NRG1: variants seen among roughly 807,000 people sequenced by gnomAD.
NRG1 encodes the protein pro-neuregulin-1, membrane-bound isoform.
NRG1 carries 18 observed loss-of-function variants against 63.8 expected under a neutral mutation model. That is an observed-to-expected ratio of 0.28 (90% CI 0.19 to 0.42). The LOEUF (loss-of-function observed/expected upper bound fraction) is 0.42. NRG1 is among the 10% of genes least tolerant of loss of function. The pLI is 1.00. For missense variants in NRG1, 762 were observed against 814.7 expected (o/e 0.94, Z 0.79); for synonymous variants, 302 against 301.3 (o/e 1.00, Z -0.02).
At chr8:31,966,079 CA>C (rs1442236127) in intron 1 of NRG1, among the ~76,000 whole-genome samples, 2 of 151,810 alleles carry the variant, frequency 1.3e-5, no homozygotes, top group African/African-American at 4.8e-5. Flanking sequence ...ACCCATGTAA[CA>C]AACATGCACA....
At chr8:32,387,412 A>C (rs1563394141) in intron 1 of NRG1, among the ~76,000 whole-genome samples, 1 of 152,180 alleles carries the variant, frequency 6.6e-6, no homozygotes, top group Non-Finnish European at 1.5e-5. Context: ...GCCCACAAAA[A>C]AGATGAAGTC....
chr8:31,911,108 C>T (rs899967735), intron 1 of NRG1, among the ~76,000 whole-genome samples: 2 of 152,150 alleles, frequency 1.3e-5, no homozygotes, highest in Non-Finnish European at 1.5e-5. Flanking sequence ...TGTGCTCCTA[C>T]CTCCTTGGTT....
intron 1 of NRG1, among the ~76,000 whole-genome samples, chr8:32,014,343 G>T (rs1335097857): frequency 6.6e-6 from 1 of 151,990 alleles, no homozygotes; most frequent in East Asian, 1.9e-4. Context: ...CTCATGATTT[G>T]GCTCTGTTTG....
chr8:31,945,564 G>T (rs1802415609), intron 1 of NRG1, among the ~76,000 whole-genome samples: 1 of 152,178 alleles, frequency 6.6e-6, no homozygotes, highest in Admixed American at 6.5e-5. Context: ...GCCATCTGCA[G>T]TTCGGAGCCT....
chr8:32,104,711 C>T (rs1321913643), intron 1 of NRG1, among the ~76,000 whole-genome samples: 3 of 151,870 alleles, frequency 2.0e-5, no homozygotes, highest in African/African-American at 7.3e-5. Flanking sequence ...TTGTTAAAAA[C>T]AAAGACACAA....
At chr8:31,842,290 T>C (rs1355226230) in intron 1 of NRG1, among the ~76,000 whole-genome samples, 1 of 152,256 alleles carries the variant, frequency 6.6e-6, no homozygotes, top group East Asian at 1.9e-4. Context: ...TATTTGCTTA[T>C]ATGTGTCATA....
chr8:32,150,568 C>T (rs1585667809), intron 1 of NRG1, among the ~76,000 whole-genome samples: 1 of 152,152 alleles, frequency 6.6e-6, no homozygotes, highest in African/African-American at 2.4e-5. Context: ...TGAGCCCTTG[C>T]CAGACACTGA....
intron 1 of NRG1, among the ~76,000 whole-genome samples, chr8:31,754,572 G>C (rs141580476): frequency 6.6e-6 from 1 of 151,938 alleles, no homozygotes; most frequent in Non-Finnish European, 1.5e-5. Flanking sequence ...AACCATTCTC[G>C]GGTATTTCTT....
At position 32,647,486 on chromosome 8, in the gene NRG1, G is replaced by T. The variant is rs1305948820; in HGVS notation, c.502+30601G>T. ...TAGCATTTAAAAGAACTAGAAAAGT[G>T]GCCCAGAAACAGCAGCTTAAAGAAT... On this transcript the variant is annotated intron_variant, in intron 5 of 11. Coordinates refer to ENST00000356819, the Ensembl canonical transcript of NRG1. 4.1e-6 allele frequency: 4 copies of T among 985,226 alleles called. No individual in the cohort carries two copies. In the African/African-American group the frequency reaches 7.0e-5, roughly 17 times the overall value. The allele number at this position is 985,226 out of a possible 1,614,324, so 61.0% of individuals were successfully genotyped here. A position where few individuals can be genotyped will look rare whatever the true frequency, so the allele number is the denominator to read the frequency against.
chr8:31,815,158 G>T (rs1344891386), intron 1 of NRG1, among the ~76,000 whole-genome samples: 1 of 152,006 alleles, frequency 6.6e-6, no homozygotes, highest in Non-Finnish European at 1.5e-5. Context: ...ATAATGTTGT[G>T]GAACTATCAC....
intron 7 of NRG1, among the ~76,000 whole-genome samples, chr8:32,744,941 C>T (rs747899324): frequency 8.5e-5 from 13 of 152,076 alleles, no homozygotes; most frequent in East Asian, 1.9e-4. Context: ...CACTTTTGGA[C>T]GACATCCAGG....
At chr8:32,258,345 A>G (rs1354436446) in intron 1 of NRG1, among the ~76,000 whole-genome samples, 1 of 152,224 alleles carries the variant, frequency 6.6e-6, no homozygotes, top group African/African-American at 2.4e-5. Flanking sequence ...TATAGTGTTT[A>G]TTATATGACA....
chr8:32,518,300 C>A (rs548125944), intron 1 of NRG1, among the ~76,000 whole-genome samples: 3 of 152,140 alleles, frequency 2.0e-5, no homozygotes, highest in Non-Finnish European at 4.4e-5. Context: ...AAGGAGGCTT[C>A]CAGGAGCCCC....
intron 1 of NRG1, among the ~76,000 whole-genome samples, chr8:32,205,241 A>T (rs188133388): frequency 5.4e-4 from 82 of 152,310 alleles, no homozygotes; most frequent in African/African-American, 1.9e-3. Context: ...ATATTTCTGC[A>T]TTGATTCTAC....
chr8:32,402,220 T>G (rs1291555530), intron 1 of NRG1, among the ~76,000 whole-genome samples: 3 of 151,950 alleles, frequency 2.0e-5, no homozygotes, highest in Non-Finnish European at 4.4e-5. Flanking sequence ...GCCTAAAAGT[T>G]TTTTTAAAAA....
chr8:31,878,917 T>TGGC (rs1485220765), intron 1 of NRG1, among the ~76,000 whole-genome samples: 1 of 152,006 alleles, frequency 6.6e-6, no homozygotes, highest in Non-Finnish European at 1.5e-5. Context: ...ATCATGAAAG[T>TGGC]GGCATCCTGT....
chr8:32,240,517 C>T (rs1847992621), intron 1 of NRG1, among the ~76,000 whole-genome samples: 1 of 151,992 alleles, frequency 6.6e-6, no homozygotes, highest in Non-Finnish European at 1.5e-5. Context: ...TATGTGATAA[C>T]ATTTGATGGA....
At chr8:32,341,551 T>G (rs975872344) in intron 1 of NRG1, among the ~76,000 whole-genome samples, 5 of 152,178 alleles carry the variant, frequency 3.3e-5, no homozygotes, top group African/African-American at 1.2e-4. Flanking sequence ...GCCCAGGGAT[T>G]ACACCAAAGG....
At chr8:32,171,420 CG>C (rs1287877404) in intron 1 of NRG1, 1 of 152,252 alleles carries the variant, frequency 6.6e-6, no homozygotes, top group African/African-American at 2.4e-5. Context: ...CCAGCATGAG[CG>C]ACGCAGAAGA....
Sources: allele counts gnomAD v4.1 joint callset (sites outside exome capture counted in the v4.1 genomes callset), GRCh38; gene constraint gnomAD v4.1.1; transcripts MANE v1.5; gene names NCBI Gene and HGNC (gene_info 2026-07-23, HGNC 2026-07-21).